ITGB3: variants seen among roughly 807,000 people sequenced by gnomAD.
The protein encoded by ITGB3 is integrin beta-3.
ITGB3 carries 48 observed loss-of-function variants against 85.8 expected under a neutral mutation model. That is an observed-to-expected ratio of 0.56 (90% CI 0.44 to 0.71). The LOEUF is 0.71. ITGB3 is among the 30% of genes least tolerant of loss of function. ITGB3 has a pLI of 0.00. For missense variants in ITGB3, 861 were observed against 1,019.1 expected, an observed-to-expected ratio of 0.84 and a Z score of 2.11; for synonymous variants, 363 against 395.6, an observed-to-expected ratio of 0.92 and a Z score of 0.98.
At chr17:47,285,153 C>G (rs2065098076) in intron 4 of ITGB3, among the ~76,000 whole-genome samples, 1 of 152,180 alleles carries the variant, frequency 6.6e-6, no homozygotes, top group African/African-American at 2.4e-5. Context: ...ATTTGTTGGA[C>G]ACTTTTATAG....
chr17:47,294,717 A>T (rs1169449806), intron 10 of ITGB3, among the ~76,000 whole-genome samples: 1 of 152,154 alleles, frequency 6.6e-6, no homozygotes, highest in Non-Finnish European at 1.5e-5. Context: ...CTGTGCCATC[A>T]TTTGGTCCAT....
Position 47,284,638 on chromosome 17 carries a change from C to A in ITGB3, c.557C>A (p.Pro186His). 6.2e-7 allele frequency: 1 copy of A among 1,614,144 alleles called. No individual in the cohort carries two copies. Among genetic ancestry groups the A allele is most frequent in the East Asian group, 2.2e-5 (1 of 44,878 alleles). ...GGCTTCGGGGCATTTGTGGACAAGC[C>A]TGTGTCACCATACATGTATATCTCC... is the stretch of plus-strand genomic sequence containing the variant. Reference protein sequence around the residue: ...RIGFGAFVDKPVSPYMYISPP... With the variant: ...RIGFGAFVDKHVSPYMYISPP... The change falls in exon 4 of 15, where the codon CCT (proline) becomes CAT (histidine). Residue 186 changes from proline (P) to histidine (H), a missense_variant. Pro to His is a moderately conservative substitution (Grantham distance 77). Coordinates refer to ENST00000559488, the MANE Select transcript of ITGB3 (RefSeq NM_000212.3).
At chr17:47,281,649 G>T (rs1284735228) in intron 2 of ITGB3, among the ~76,000 whole-genome samples, 1 of 152,160 alleles carries the variant, frequency 6.6e-6, no homozygotes, top group Non-Finnish European at 1.5e-5. Flanking sequence ...TCTTTGTTCA[G>T]GGTGAAGGAG....
chr17:47,293,610 G>A (rs1488582235), intron 10 of ITGB3, among the ~76,000 whole-genome samples: 2 of 151,598 alleles, frequency 1.3e-5, no homozygotes, highest in Non-Finnish European at 2.9e-5. Context: ...ATTGGCATTG[G>A]GGTTCTTTTT....
At position 47,290,250 on chromosome 17, in the gene ITGB3, C is replaced by G; in HGVS notation, c.1101C>G (p.Leu367=). Residue 367 remains leucine, a synonymous_variant, in exon 8 of 15, where the codon CTC becomes CTG. Coordinates refer to ENST00000559488, the MANE Select transcript of ITGB3 (RefSeq NM_000212.3). ...GVLSMDSSNV[L]QLIVDAYGKI... ...TGTCCATGGATTCCAGCAATGTCCTCCAGCTCATTGTTGATGCTTATGGGG... is the reference window on the plus strand; with the variant it reads ...TGTCCATGGATTCCAGCAATGTCCTGCAGCTCATTGTTGATGCTTATGGGG... The G allele has an allele frequency of 6.2e-7, 1 of 1,614,032 alleles. No homozygotes were observed.
intron 1 of ITGB3, among the ~76,000 whole-genome samples, chr17:47,259,187 A>G (rs1255673501): frequency 1.3e-5 from 2 of 152,214 alleles, no homozygotes; most frequent in Admixed American, 6.5e-5. Context: ...TCTTGCTCAT[A>G]GGAGTAACAG....
rs1418937174 is a variant in ITGB3 at position 47,287,196 on chromosome 17, G to A, written c.904G>A (p.Gly302Ser). 1.9e-6 allele frequency: 3 copies of A among 1,613,912 alleles called. No individual in the cohort carries two copies. The highest frequency in any genetic ancestry group is 2.7e-5 in the African/African-American group (2 of 75,018). Residue 302 changes from glycine (G) to serine (S), a missense_variant, in exon 6 of 15, where the codon GGT (glycine) becomes AGT (serine). Gly to Ser is a moderately conservative substitution (Grantham distance 56). Transcript: ENST00000559488. Reference sequence around the variant, plus strand: ...GCCTAATGACGGGCAGTGTCATGTTGGTAGTGACAATCATTACTCTGCCTC... The same window carrying A: ...GCCTAATGACGGGCAGTGTCATGTTAGTAGTGACAATCATTACTCTGCCTC... The part of the protein sequence containing the change: ...VQPNDGQCHV[G>S]SDNHYSASTT...
At chr17:47,275,129 C>T (rs1308342160) in intron 2 of ITGB3, among the ~76,000 whole-genome samples, 8 of 152,164 alleles carry the variant, frequency 5.3e-5, no homozygotes, top group Admixed American at 6.6e-5. Context: ...GATGTTTAGT[C>T]AGAAAATCTT....
intron 13 of ITGB3, among the ~76,000 whole-genome samples, chr17:47,304,902 C>G (rs185614381): frequency 2.0e-5 from 3 of 152,284 alleles, no homozygotes; most frequent in African/African-American, 7.2e-5. Flanking sequence ...GCCACTGCAC[C>G]TGGCCAAGCA....
At chr17:47,305,049 C>T (rs1159743000) in intron 13 of ITGB3, among the ~76,000 whole-genome samples, 1 of 152,190 alleles carries the variant, frequency 6.6e-6, no homozygotes, top group Non-Finnish European at 1.5e-5. Flanking sequence ...TCCAGGAAAC[C>T]CACCCCAAAC....
rs368119949 is a variant in ITGB3, at chr17:47,278,853, T to C, written c.165+4349T>C. Among the ~76,000 whole-genome samples, 17 of 152,334 alleles carry C rather than the reference T, an allele frequency of 1.1e-4. 1 individual carries two copies. The South Asian group carries it at 3.5e-3, about 32-fold the overall frequency. On this transcript the variant is annotated intron_variant, in intron 2 of 14. Coordinates refer to ENST00000559488, the MANE Select transcript of ITGB3 (RefSeq NM_000212.3). Reference sequence around the variant, plus strand: ...TTATGAGGATCAAACTAATGCCTGATGATCTGGGGTGGAACAGTTTCATTC... The same window carrying C: ...TTATGAGGATCAAACTAATGCCTGACGATCTGGGGTGGAACAGTTTCATTC...
intron 12 of ITGB3, among the ~76,000 whole-genome samples, chr17:47,301,260 G>A (rs1461859346): frequency 6.6e-6 from 1 of 152,140 alleles, no homozygotes; most frequent in Admixed American, 6.5e-5. Context: ...GTGGGCCAGC[G>A]AGGCATTGAG....
intron 10 of ITGB3, among the ~76,000 whole-genome samples, chr17:47,297,718 C>T (rs1334430174): frequency 6.6e-6 from 1 of 151,122 alleles, no homozygotes; most frequent in East Asian, 1.9e-4. Context: ...CCCATCTGTA[C>T]AAAAACAAAA....
intron 9 of ITGB3, among the ~76,000 whole-genome samples, 153 bp from the exon 10 acceptor site, chr17:47,291,986 A>G (rs921418558): frequency 4.6e-5 from 7 of 152,200 alleles, no homozygotes; most frequent in African/African-American, 1.7e-4. Context: ...AGACCTTCAT[A>G]TAGGGAAGGC....
intron 10 of ITGB3, among the ~76,000 whole-genome samples, chr17:47,295,142 G>A (rs2065141010): frequency 6.6e-6 from 1 of 152,186 alleles, no homozygotes; most frequent in Non-Finnish European, 1.5e-5. Context: ...TTCCCAACAT[G>A]AGGTTGAATC....
At chr17:47,282,132 AG>A (rs528347976) in intron 2 of ITGB3, among the ~76,000 whole-genome samples, 168 of 152,172 alleles carry the variant, frequency 1.1e-3, no homozygotes, top group African/African-American at 4.0e-3. Context: ...TATTTTCAGT[AG>A]AGACGGGGTT....
chr17:47,288,230 GAGAGAGAGAGAA>G (rs145689751), intron 6 of ITGB3, among the ~76,000 whole-genome samples: 30,651 of 142,726 alleles, frequency 0.21, 3,429 homozygotes, highest in Non-Finnish European at 0.25. Context: ...GAGAGAGAGA[GAGAGAGAGAGAA>G]AGAGGGGAAA....
intron 4 of ITGB3, 117 bp from the exon 5 acceptor site, chr17:47,286,143 G>A: frequency 8.7e-7 from 1 of 1,148,596 alleles, no homozygotes; most frequent in Non-Finnish European, 1.3e-6. Context: ...AACTGTGGTT[G>A]TATGGAACTG....
chr17:47,258,199 G>T (rs570215950), intron 1 of ITGB3, among the ~76,000 whole-genome samples: 1 of 152,082 alleles, frequency 6.6e-6, no homozygotes, highest in African/African-American at 2.4e-5. Flanking sequence ...CCACCCCATC[G>T]CCTCTGCTCC....
Sources: allele counts gnomAD v4.1 joint callset (sites outside exome capture counted in the v4.1 genomes callset), GRCh38; gene constraint gnomAD v4.1.1; transcripts MANE v1.5; gene names NCBI Gene and HGNC (gene_info 2026-07-23, HGNC 2026-07-21).